Variants in PHF20L1 observed in about 807,000 individuals in gnomAD.
PHF20L1 encodes the protein PHD finger protein 20-like protein 1.
PHF20L1 carries 44 observed loss-of-function variants against 125.5 expected under a neutral mutation model. The ratio of observed to expected loss-of-function variants is 0.35; its 90% CI spans 0.28 to 0.45. The LOEUF is 0.45. Ranked by LOEUF, PHF20L1 falls within the 20% of genes least tolerant of loss-of-function variation. The pLI, the probability that PHF20L1 is intolerant of heterozygous loss-of-function variation, is 1.00. For synonymous variants in PHF20L1, 380 were observed against 403.1 expected (o/e 0.94, Z 0.69); for missense variants, 1,012 against 1,217.2 (o/e 0.83, Z 2.51).
At chr8:132,842,344 G>A (rs1838018231) in intron 18 of PHF20L1, 171 bp from the exon 19 acceptor site, 5 of 486,328 alleles carry the variant, frequency 1.0e-5, no homozygotes, top group Non-Finnish European at 1.8e-5. Flanking sequence ...TAATTGAGAA[G>A]ATTCAAATTT....
In PHF20L1 at chr8:132,807,711, T is replaced by A. The variant is rs1239770262; in HGVS notation, c.847+2971T>A. 8.8e-6 allele frequency: 4 copies of A among 455,718 alleles called. 1 individual carries two copies. Among genetic ancestry groups the A allele is most frequent in the South Asian group, 6.2e-5 (4 of 64,508 alleles). The allele number at this position is 455,718 out of a possible 1,614,324, so 28.2% of individuals were successfully genotyped here. Reference sequence around the variant, plus strand: ...GAGCTCTGGGCTCTGTTCTACTTATTCGTATTGGCAGGAAGAGACCAGCTG... The same window carrying A: ...GAGCTCTGGGCTCTGTTCTACTTATACGTATTGGCAGGAAGAGACCAGCTG... On this transcript the variant is annotated intron_variant, in intron 8 of 20. Transcript: ENST00000395386.
rs1386066438 is a variant in PHF20L1, at chr8:132,775,620, T to C, written c.-63T>C. ...CCAGCTCGGCCCCGGACGGCCCGGC[T>C]GCTGTGCAGAGAGGAGGCCGAGTCG... is the stretch of plus-strand genomic sequence containing the variant. On this transcript the variant is annotated 5_prime_UTR_variant, in exon 1 of 21. Transcript: ENST00000395386. 5.8e-6 allele frequency: 2 copies of C among 343,180 alleles called. No individual in the cohort carries two copies. The highest frequency in any genetic ancestry group is 1.1e-5 in the Non-Finnish European group (2 of 190,284). 21.3% of individuals were successfully genotyped at this position (343,180 alleles called of 1,614,324 possible).
intron 2 of PHF20L1, among the ~76,000 whole-genome samples, chr8:132,786,244 C>G (rs1454541605): frequency 6.6e-6 from 1 of 151,962 alleles, no homozygotes; most frequent in Admixed American, 6.6e-5. Flanking sequence ...TTTCTTTACT[C>G]CAATTATTTA....
chr8:132,838,075 G>T, intron 17 of PHF20L1: 1 of 314,578 alleles, frequency 3.2e-6, no homozygotes, highest in South Asian at 4.8e-5. Context: ...CCTTAGTGAG[G>T]ACTCACTGTA....
At chr8:132,781,143 A>G (rs1236032543) in intron 2 of PHF20L1, among the ~76,000 whole-genome samples, 2 of 152,048 alleles carry the variant, frequency 1.3e-5, no homozygotes, top group African/African-American at 4.8e-5. Flanking sequence ...CTCATATATA[A>G]AAAAGGAAAA....
At chr8:132,797,604 T>C (rs563668644) in intron 4 of PHF20L1, among the ~76,000 whole-genome samples, 14 of 152,176 alleles carry the variant, frequency 9.2e-5, no homozygotes, top group South Asian at 4.1e-4. Flanking sequence ...ACACAGAGTT[T>C]GGCATTCTCA....
In PHF20L1 at chr8:132,803,852, G is replaced by A. The variant is rs145064017; in HGVS notation, c.541G>A (p.Ala181Thr). The A allele has an allele frequency of 3.1e-6, 5 of 1,608,350 alleles. No homozygotes were observed. In the African/African-American group the frequency reaches 6.7e-5, roughly 22 times the overall value. The change falls in exon 7 of 21, where the codon GCT becomes ACT. Residue 181 changes from alanine (A) to threonine (T), a missense_variant. This residue lies in a region of PHF20L1 where 134 missense variants were observed against 145.9 expected (regional missense o/e 0.92). Transcript: ENST00000395386. Reference protein sequence around the residue: ...WIALVKAAAAAAAKNKTGSKP... With the variant: ...WIALVKAAAATAAKNKTGSKP... ...AGCTTTAGTCAAAGCAGCTGCTGCA[G>A]CTGCAGCCAAGAACAAAACAGGGAG... is the stretch of plus-strand genomic sequence containing the variant.
intron 2 of PHF20L1, among the ~76,000 whole-genome samples, chr8:132,779,511 A>T (rs2739042): frequency 0.26 from 39,853 of 152,016 alleles, 6,415 homozygotes; most frequent in South Asian, 0.46. Context: ...CTCTTAAGTG[A>T]TTTATTTATT....
Position 132,793,869 on chromosome 8 carries a change from C to A in PHF20L1, c.84-541C>A, listed in dbSNP as rs146080210. Among the ~76,000 whole-genome samples the A allele has an allele frequency of 7.3e-3, 1,116 of 152,198 alleles. 11 individuals carry two copies. Among genetic ancestry groups the A allele is most frequent in the African/African-American group, 0.026 (1,070 of 41,542 alleles). On this transcript the variant is annotated intron_variant, in intron 2 of 20. Transcript: ENST00000395386. ...ACATGCTGATGTATTTTTTGCTAGA[C>A]AAAATTTACATATTTATATTTATGC...
intron 15 of PHF20L1, among the ~76,000 whole-genome samples, chr8:132,835,043 A>G (rs926649918): frequency 4.6e-5 from 7 of 152,166 alleles, no homozygotes; most frequent in Admixed American, 1.3e-4. Context: ...GAGTATAAAT[A>G]GCGTGAATTT....
intron 4 of PHF20L1, among the ~76,000 whole-genome samples, chr8:132,797,741 G>A (rs905217784): frequency 2.0e-5 from 3 of 151,632 alleles, no homozygotes; most frequent in African/African-American, 7.3e-5. Context: ...AAATCAAATG[G>A]TGTTATTCAG....
intron 7 of PHF20L1, 147 bp from the exon 8 acceptor site, chr8:132,804,468 G>A: frequency 1.9e-6 from 1 of 536,060 alleles, no homozygotes; most frequent in South Asian, 3.0e-5. Context: ...TTAGTCTGGA[G>A]GGATTTGTGT....
intron 17 of PHF20L1, 80 bp downstream of exon 17, chr8:132,837,891 AC>A: frequency 1.1e-6 from 1 of 927,528 alleles, no homozygotes; most frequent in Non-Finnish European, 1.7e-6. Flanking sequence ...AGCTGTGTTC[AC>A]CACCACTACA....
intron 15 of PHF20L1, among the ~76,000 whole-genome samples, chr8:132,833,475 G>A (rs971980701): frequency 1.3e-5 from 2 of 151,932 alleles, no homozygotes; most frequent in Admixed American, 1.3e-4. Flanking sequence ...CTTCACCCCC[G>A]GTGAACCTTA....
intron 14 of PHF20L1, among the ~76,000 whole-genome samples, chr8:132,828,776 A>G (rs546120906): frequency 6.6e-6 from 1 of 152,130 alleles, no homozygotes; most frequent in Non-Finnish European, 1.5e-5. Flanking sequence ...TCTGTCTTTC[A>G]TGTGTCTGTA....
At chr8:132,812,141 A>C (rs1426791816) in intron 9 of PHF20L1, 2 of 980,502 alleles carry the variant, frequency 2.0e-6, no homozygotes, top group East Asian at 1.1e-4. Context: ...CCAACGGTTA[A>C]GTCTTTGCCG....
intron 9 of PHF20L1, chr8:132,811,331 A>G (rs1834366671): frequency 1.6e-6 from 2 of 1,274,902 alleles, no homozygotes; most frequent in African/African-American, 1.5e-5. Context: ...ATAGACTGGC[A>G]TTAAAGCCTT....
chr8:132,800,424 A>T (rs568019855), intron 6 of PHF20L1, among the ~76,000 whole-genome samples: 1 of 151,836 alleles, frequency 6.6e-6, no homozygotes, highest in East Asian at 1.9e-4. Flanking sequence ...CTCTCATTTT[A>T]TGAGTTGCTT....
chr8:132,827,874 G>A (rs1311620008), intron 14 of PHF20L1, among the ~76,000 whole-genome samples: 1 of 152,032 alleles, frequency 6.6e-6, no homozygotes, highest in Admixed American at 6.6e-5. Flanking sequence ...GTCCTAGTAA[G>A]ATGCACAGAA....
Sources: gnomAD v4.1 joint callset for allele counts (sites outside exome capture counted in the v4.1 genomes callset) on GRCh38, gnomAD v4.1.1 for gene constraint, gnomAD v4.1.1 regional missense constraint, MANE v1.5 for transcripts, NCBI Gene and HGNC (gene_info 2026-07-23, HGNC 2026-07-21) for gene names.